The following BZW2 variants were observed in gnomAD, a reference collection of about 807,000 sequenced individuals.
BZW2 encodes eIF5-mimic protein 1.
BZW2 carries 23 observed loss-of-function variants against 53.2 expected under a neutral mutation model. That is an observed-to-expected ratio of 0.43 (90% CI 0.31 to 0.61). BZW2 has a LOEUF of 0.61. Among genes scored for constraint, BZW2 ranks in the 20% least tolerant of loss-of-function variants. The pLI is 0.09. For missense variants in BZW2, 409 were observed against 503.1 expected, an observed-to-expected ratio of 0.81 and a Z score of 1.79; for synonymous variants, 227 against 186.4, an observed-to-expected ratio of 1.22 and a Z score of -1.77.
intron 10 of BZW2, among the ~76,000 whole-genome samples, chr7:16,703,487 ATTTTCATAAG>A (rs1229044017): frequency 2.6e-5 from 4 of 152,156 alleles, no homozygotes; most frequent in Non-Finnish European, 4.4e-5. Flanking sequence ...TGTTTCTGTC[ATTTTCATAAG>A]TTGAAATTAT....
intron 2 of BZW2, among the ~76,000 whole-genome samples, chr7:16,671,906 G>A (rs1033922717): frequency 1.4e-5 from 2 of 140,452 alleles, no homozygotes; most frequent in African/African-American, 5.7e-5. Context: ...CCTCCAGCCT[G>A]GGTGACAGAG....
chr7:16,706,169 T>C lies in BZW2; in HGVS notation c.*81T>C. On this transcript the variant is annotated 3_prime_UTR_variant, in exon 12 of 12. Coordinates refer to ENST00000258761, the MANE Select transcript of BZW2 (RefSeq NM_014038.3). ...GCTGAACCATTTGAGAAGAGAAACT[T>C]GGCTTCTGTTTTCGCAAAGGAAAAA... 1 of 1,488,328 alleles carries C rather than the reference T, an allele frequency of 6.7e-7. No individual in the cohort carries two copies. The highest frequency in any genetic ancestry group is 9.2e-7 in the Non-Finnish European group (1 of 1,084,644). 92.2% of individuals were successfully genotyped at this position (1,488,328 alleles called of 1,614,324 possible). A position where few individuals can be genotyped will look rare whatever the true frequency, so the allele number is the denominator to read the frequency against.
intron 3 of BZW2, 73 bp from the exon 4 acceptor site, chr7:16,681,228 G>T (rs1252258064): frequency 8.5e-7 from 1 of 1,169,754 alleles, no homozygotes; most frequent in Non-Finnish European, 1.2e-6. Flanking sequence ...TCATTTGCCA[G>T]AATTGATGTG....
In BZW2 at chr7:16,694,919, T is replaced by C; in HGVS notation, c.737T>C (p.Leu246Pro). Residue 246 changes from leucine (L) to proline (P), a missense_variant, in exon 8 of 12, where the codon CTC becomes CCC. Around this residue, in one of 3 missense-constraint regions of BZW2, gnomAD observed 316 missense variants for 366.8 expected, o/e 0.86. Transcript: ENST00000258761. ...DAGLKELSDF[L>P]RVQQSLGTRK... is the part of the protein sequence containing the mutation. ...GGTCTTAAGGAGCTTTCCGACTTCC[T>C]CCGAGTCCAGCAGTCCCTGGGCACC... is the stretch of plus-strand genomic sequence containing the variant. 6.3e-7 allele frequency: 1 copy of C among 1,597,376 alleles called. No individual in the cohort carries two copies. Among genetic ancestry groups the C allele is most frequent in the Non-Finnish European group, 8.6e-7 (1 of 1,166,962 alleles).
intron 10 of BZW2, 196 bp downstream of exon 10, chr7:16,698,382 G>A (rs1021685322): frequency 6.7e-6 from 4 of 593,892 alleles, no homozygotes; most frequent in Non-Finnish European, 1.1e-5. Context: ...GCGTTGCCTT[G>A]GAAACCCTGC....
intron 1 of BZW2, among the ~76,000 whole-genome samples, chr7:16,653,981 T>C (rs1782052048): frequency 6.9e-6 from 1 of 145,078 alleles, no homozygotes; most frequent in Non-Finnish European, 1.5e-5. Flanking sequence ...GCATGGTGAC[T>C]CATGCCTGTA....
intron 1 of BZW2, among the ~76,000 whole-genome samples, chr7:16,653,234 A>G (rs1782031162): frequency 6.6e-6 from 1 of 152,072 alleles, no homozygotes; most frequent in Non-Finnish European, 1.5e-5. Context: ...TTGCTCCAAA[A>G]CAGAATTCTC....
At chr7:16,669,533 G>A (rs576948015) in intron 2 of BZW2, among the ~76,000 whole-genome samples, 18 of 152,158 alleles carry the variant, frequency 1.2e-4, no homozygotes, top group Admixed American at 9.8e-4. Flanking sequence ...ATGAGTATGT[G>A]TATATATATA....
At chr7:16,676,704 C>G (rs1297690475) in intron 3 of BZW2, among the ~76,000 whole-genome samples, 2 of 152,060 alleles carry the variant, frequency 1.3e-5, no homozygotes, top group Non-Finnish European at 2.9e-5. Context: ...TTATTGACTT[C>G]TAGTATTTCG....
At chr7:16,697,220 G>T (rs978241631) in intron 9 of BZW2, among the ~76,000 whole-genome samples, 159 bp downstream of exon 9, 4 of 152,186 alleles carry the variant, frequency 2.6e-5, no homozygotes, top group African/African-American at 9.7e-5. Context: ...CTCCCAGGTA[G>T]CTAGGACTAC....
In BZW2 at chr7:16,674,561, G is replaced by A. The variant is rs1196326687; in HGVS notation, c.208G>A (p.Asp70Asn). ...TCGTCGCTATGCAGACACACTCTTC[G>A]ATATCCTGGTGGCTGGCAGTATGCT... ...DYRRYADTLF[D>N]ILVAGSMLAP... Residue 70 changes from aspartate to asparagine, a missense_variant, in exon 3 of 12, where the codon GAT (aspartate) becomes AAT (asparagine). Coordinates refer to ENST00000258761, the MANE Select transcript of BZW2 (RefSeq NM_014038.3). 5 of 1,604,780 alleles carry A rather than the reference G, an allele frequency of 3.1e-6. No homozygotes were observed. Among genetic ancestry groups the A allele is most frequent in the Admixed American group, 1.7e-5 (1 of 59,158 alleles).
In BZW2 at chr7:16,706,448, G is replaced by C. The variant is rs749123515; in HGVS notation, c.*360G>C. On this transcript the variant is annotated 3_prime_UTR_variant, in exon 12 of 12. Coordinates refer to ENST00000258761, the MANE Select transcript of BZW2 (RefSeq NM_014038.3). ...ACTGGTGTCTATTACAGGCCACTTT[G>C]GTAGTTGTGTATCTGCTCATGTATG... 5.2e-6 allele frequency: 1 copy of C among 194,122 alleles called. No homozygotes were observed. The highest frequency in any genetic ancestry group is 1.0e-5 in the Non-Finnish European group (1 of 96,046). 12.0% of individuals were successfully genotyped at this position (194,122 alleles called of 1,614,324 possible).
intron 1 of BZW2, among the ~76,000 whole-genome samples, chr7:16,653,031 AC>A (rs1782025704): frequency 1.9e-5 from 2 of 103,434 alleles, no homozygotes; most frequent in Non-Finnish European, 4.0e-5. Flanking sequence ...ATGGAAAGTA[AC>A]TTTGTGTGTG....
At chr7:16,684,728 C>T (rs1165473512) in intron 5 of BZW2, among the ~76,000 whole-genome samples, 2 of 152,144 alleles carry the variant, frequency 1.3e-5, no homozygotes, top group African/African-American at 4.8e-5. Context: ...ATCCCTCATT[C>T]CCTCACTCCC....
At chr7:16,695,475 A>G (rs944797594) in intron 8 of BZW2, among the ~76,000 whole-genome samples, 9 of 152,214 alleles carry the variant, frequency 5.9e-5, no homozygotes, top group African/African-American at 2.2e-4. Flanking sequence ...ATGGGAAAAG[A>G]CTAGTTGGAT....
At chr7:16,651,360 G>A (rs1031145896) in intron 1 of BZW2, among the ~76,000 whole-genome samples, 1 of 152,198 alleles carries the variant, frequency 6.6e-6, no homozygotes, top group African/African-American at 2.4e-5. Flanking sequence ...GCACTGTAGA[G>A]AATATATCAT....
Position 16,696,903 on chromosome 7 carries a change from C to T in BZW2, c.823-12C>T. 1 of 1,613,774 alleles carries T rather than the reference C, an allele frequency of 6.2e-7. No individual in the cohort carries two copies. The highest frequency in any genetic ancestry group is 1.1e-5 in the South Asian group (1 of 90,970). ...GCCTGTTACTTTCTGACCCCATTTC[C>T]ATGTAATGTAGGTGGTGCTTTATGT... is the stretch of plus-strand genomic sequence containing the variant. On this transcript the variant is annotated splice_polypyrimidine_tract_variant and intron_variant, in intron 8 of 11. Transcript: ENST00000258761.
chr7:16,694,505 C>T (rs1439532868), intron 7 of BZW2, among the ~76,000 whole-genome samples: 2 of 152,020 alleles, frequency 1.3e-5, no homozygotes, highest in Admixed American at 6.6e-5. Flanking sequence ...CCAACATAAC[C>T]CACTAATCCA....
At chr7:16,703,351 C>T (rs1195548416) in intron 10 of BZW2, among the ~76,000 whole-genome samples, 5 of 152,030 alleles carry the variant, frequency 3.3e-5, no homozygotes, top group African/African-American at 1.2e-4. Context: ...TCATTTTAGT[C>T]AGCTCAGCCT....
Sources: gnomAD v4.1 joint callset for allele counts (sites outside exome capture counted in the v4.1 genomes callset) on GRCh38, gnomAD v4.1.1 for gene constraint, gnomAD v4.1.1 regional missense constraint, MANE v1.5 for transcripts, NCBI Gene and HGNC (gene_info 2026-07-23, HGNC 2026-07-21) for gene names.